The following ABCA13 variants were observed in gnomAD, a reference collection of about 807,000 sequenced individuals.
ABCA13 encodes the protein ATP binding cassette subfamily A member 13, also known as ATP-binding cassette sub-family A member 13.
A neutral mutation model predicts 478.7 loss-of-function variants in ABCA13; 476 were observed. That is an observed-to-expected ratio of 0.99 (90% CI 0.92 to 1.07). The LOEUF is 1.07. Among genes scored for constraint, ABCA13 ranks in the 50% least tolerant of loss-of-function variants. The pLI is 0.00. For missense variants in ABCA13, 6,060 were observed against 5,910.6 expected (o/e 1.03, Z -0.83); for synonymous variants, 2,252 against 2,158.9 (o/e 1.04, Z -1.20).
At chr7:48,572,076 A>C (rs1787711112) in intron 55 of ABCA13, among the ~76,000 whole-genome samples, 1 of 152,178 alleles carries the variant, frequency 6.6e-6, no homozygotes, top group Non-Finnish European at 1.5e-5. Flanking sequence ...GCTACTTGGG[A>C]GGCTGAGGCA....
Position 48,530,039 on chromosome 7 carries a change from T to C in ABCA13, c.14354+1694T>C, listed in dbSNP as rs979904748. On this transcript the variant is annotated intron_variant, in intron 55 of 61. Coordinates refer to ENST00000435803, the MANE Select transcript of ABCA13 (RefSeq NM_152701.5). The stretch of plus-strand genomic sequence containing the variant: ...CCCAAGCAGTGTACACAGTACCTAA[T>C]TGTGTAGTCTTTTATCCCTCACTCC... Among the ~76,000 whole-genome samples, 5 of 152,126 alleles carry C rather than the reference T, an allele frequency of 3.3e-5. 1 individual carries two copies. The South Asian group carries it at 6.2e-4, about 19-fold the overall frequency.
intron 4 of ABCA13, among the ~76,000 whole-genome samples, chr7:48,219,883 A>AACACAC (rs3065570): frequency 0.011 from 1,344 of 126,550 alleles, 24 homozygotes; most frequent in Middle Eastern, 0.021. Flanking sequence ...ACCTTCCCCA[A>AACACAC]ACACACACAC....
Position 48,617,355 on chromosome 7 carries a change from G to A in ABCA13, c.14837+1978G>A, listed in dbSNP as rs549968730. ...AGGAACGTGAATAAGGAAGAGTAGGGTCTGGGTGAGGGAAGAGGTTCTGAG... is the reference window on the plus strand; with the variant it reads ...AGGAACGTGAATAAGGAAGAGTAGGATCTGGGTGAGGGAAGAGGTTCTGAG... On this transcript the variant is annotated intron_variant, in intron 59 of 61. Coordinates refer to ENST00000435803, the MANE Select transcript of ABCA13 (RefSeq NM_152701.5). Among the ~76,000 whole-genome samples the A allele has an allele frequency of 2.0e-5, 3 of 152,172 alleles. No individual in the cohort carries two copies. The South Asian group carries it at 6.2e-4, about 31-fold the overall frequency.
chr7:48,332,668 A>T (rs1805591816), intron 27 of ABCA13, among the ~76,000 whole-genome samples: 1 of 152,100 alleles, frequency 6.6e-6, no homozygotes, highest in Admixed American at 6.6e-5. Flanking sequence ...TTCATCTGAG[A>T]ATGTCTTTAT....
intron 20 of ABCA13, among the ~76,000 whole-genome samples, chr7:48,291,998 C>A (rs913321693): frequency 6.6e-6 from 1 of 152,116 alleles, no homozygotes; most frequent in Non-Finnish European, 1.5e-5. Context: ...GTCTCCAGAC[C>A]CTTTCTGTTC....
chr7:48,342,936 T>C (rs1274181502), intron 29 of ABCA13, among the ~76,000 whole-genome samples: 1 of 152,140 alleles, frequency 6.6e-6, no homozygotes, highest in Non-Finnish European at 1.5e-5. Flanking sequence ...TAAAATAGTT[T>C]TTAGCTCTCT....
intron 27 of ABCA13, among the ~76,000 whole-genome samples, chr7:48,329,601 A>G (rs1804885920): frequency 6.7e-6 from 1 of 149,974 alleles, no homozygotes; most frequent in Admixed American, 6.6e-5. Flanking sequence ...ATCCATCCAC[A>G]CATCCATCCA....
chr7:48,460,229 T>G (rs141365527), intron 43 of ABCA13, among the ~76,000 whole-genome samples: 16 of 152,174 alleles, frequency 1.1e-4, no homozygotes, highest in Non-Finnish European at 1.6e-4. Context: ...TGGGTGCGTT[T>G]TTTAGTTTTC....
intron 46 of ABCA13, among the ~76,000 whole-genome samples, chr7:48,482,120 A>G (rs1045145459): frequency 6.6e-6 from 1 of 152,216 alleles, no homozygotes; most frequent in African/African-American, 2.4e-5. Context: ...GATATTAAAA[A>G]AAGATATAAT....
intron 43 of ABCA13, among the ~76,000 whole-genome samples, 159 bp downstream of exon 43, chr7:48,455,445 C>T (rs935179438): frequency 6.6e-6 from 1 of 152,238 alleles, no homozygotes; most frequent in Non-Finnish European, 1.5e-5. Context: ...TGGAGAAGCT[C>T]TTGCTCCTCT....
In ABCA13 at chr7:48,647,339, T is replaced by G. The variant is rs1795488410; in HGVS notation, c.*1827T>G. 1.3e-5 allele frequency: 2 copies of G among 152,206 alleles called. No individual in the cohort carries two copies. Among genetic ancestry groups the G allele is most frequent in the African/African-American group, 2.4e-5 (1 of 41,452 alleles). The allele number at this position is 152,206 out of a possible 1,614,324, so 9.4% of individuals were successfully genotyped here. A position where few individuals can be genotyped will look rare whatever the true frequency, so the allele number is the denominator to read the frequency against. On this transcript the variant is annotated 3_prime_UTR_variant, in exon 62 of 62. Coordinates refer to ENST00000435803, the MANE Select transcript of ABCA13 (RefSeq NM_152701.5). The stretch of plus-strand genomic sequence containing the variant: ...ACACTTCCTTAAATAAATTACAGTT[T>G]ATGGCTGTATGATTTATTCTCTAAT...
Position 48,504,180 on chromosome 7 carries a change from G to T in ABCA13, c.13292-2156G>T, listed in dbSNP as rs568971193. Among the ~76,000 whole-genome samples, 4 of 152,270 alleles carry T rather than the reference G, an allele frequency of 2.6e-5. 1 individual carries two copies. In the South Asian group the frequency reaches 8.3e-4, roughly 32 times the overall value. ...CATATGCCTGCAGCCATAGAGTTTG[G>T]GGAAATGATAGCAATCCAGCTTTTC... On this transcript the variant is annotated intron_variant, in intron 48 of 61. Coordinates refer to ENST00000435803, the MANE Select transcript of ABCA13 (RefSeq NM_152701.5).
intron 55 of ABCA13, among the ~76,000 whole-genome samples, chr7:48,528,808 C>A (rs982176132): frequency 6.6e-6 from 1 of 152,058 alleles, no homozygotes; most frequent in Non-Finnish European, 1.5e-5. Flanking sequence ...GAGCAGTGAA[C>A]ACATTAAAAA....
At chr7:48,546,741 C>T (rs1463582266) in intron 55 of ABCA13, among the ~76,000 whole-genome samples, 1 of 151,586 alleles carries the variant, frequency 6.6e-6, no homozygotes, top group East Asian at 1.9e-4. Flanking sequence ...CATCAAAATT[C>T]TAAGTATTAT....
intron 20 of ABCA13, among the ~76,000 whole-genome samples, chr7:48,294,471 G>A (rs1015791636): frequency 3.8e-5 from 5 of 131,894 alleles, no homozygotes; most frequent in Non-Finnish European, 4.6e-5. Context: ...ACGGAGTCTC[G>A]CTCTGTCGCC....
intron 8 of ABCA13, among the ~76,000 whole-genome samples, chr7:48,237,831 C>G (rs1209878746): frequency 6.6e-6 from 1 of 152,256 alleles, no homozygotes; most frequent in African/African-American, 2.4e-5. Context: ...TAGGGCATGT[C>G]CCAGGGAGCC....
chr7:48,182,034 C>T (rs1166438522), intron 1 of ABCA13, among the ~76,000 whole-genome samples: 4 of 152,038 alleles, frequency 2.6e-5, no homozygotes, highest in Admixed American at 2.6e-4. Flanking sequence ...TCCTGTATAC[C>T]CACCTCCCCT....
At chr7:48,325,231 G>A (rs1804140833) in intron 27 of ABCA13, among the ~76,000 whole-genome samples, 1 of 152,144 alleles carries the variant, frequency 6.6e-6, no homozygotes, top group Non-Finnish European at 1.5e-5. Context: ...TTTCCCTGTG[G>A]TCCAGGTATG....
At chr7:48,318,526 G>GT (rs1187807013) in intron 27 of ABCA13, among the ~76,000 whole-genome samples, 1 of 60,872 alleles carries the variant, frequency 1.6e-5, no homozygotes, top group Non-Finnish European at 3.5e-5. Context: ...TTTTTTTTTT[G>GT]TAGAGGCATA....
Sources: gnomAD v4.1 joint callset for allele counts (sites outside exome capture counted in the v4.1 genomes callset) on GRCh38, gnomAD v4.1.1 for gene constraint, MANE v1.5 for transcripts, NCBI Gene and HGNC (gene_info 2026-07-23, HGNC 2026-07-21) for gene names.